RNF216: variants seen among roughly 807,000 people sequenced by gnomAD.
RNF216 encodes the protein E3 ubiquitin-protein ligase RNF216.
In RNF216, 72 loss-of-function variants were observed where a neutral mutation model predicts 110.8. The ratio of observed to expected loss-of-function variants is 0.65; its 90% confidence interval spans 0.54 to 0.79. The LOEUF (loss-of-function observed/expected upper bound fraction) is 0.79. Ranked by LOEUF, RNF216 falls within the 30% of genes least tolerant of loss-of-function variation. RNF216 has a pLI of 0.00. For missense variants in RNF216, 1,342 were observed against 1,141.2 expected, an observed-to-expected ratio of 1.18 and a Z score of -2.54; for synonymous variants, 495 against 407.5, an observed-to-expected ratio of 1.21 and a Z score of -2.59.
chr7:5,715,765 G>C (rs980449554), intron 10 of RNF216, among the ~76,000 whole-genome samples: 5 of 126,098 alleles, frequency 4.0e-5, no homozygotes, highest in African/African-American at 1.6e-4. Flanking sequence ...TTTTTGAGAT[G>C]GAGTCTCACT....
At chr7:5,651,064 A>T (rs138476221) in intron 14 of RNF216, among the ~76,000 whole-genome samples, 7 of 152,372 alleles carry the variant, frequency 4.6e-5, no homozygotes, top group Non-Finnish European at 7.3e-5. Flanking sequence ...ATATATGTAT[A>T]TAATTCCTGT....
intron 1 of RNF216, among the ~76,000 whole-genome samples, chr7:5,766,209 G>A (rs1796200454): frequency 6.6e-6 from 1 of 151,994 alleles, no homozygotes; most frequent in African/African-American, 2.4e-5. Flanking sequence ...AGGATCTCCT[G>A]AACCCAGGAG....
chr7:5,711,978 A>G, intron 12 of RNF216, 139 bp from the exon 13 acceptor site: 1 of 681,690 alleles, frequency 1.5e-6, no homozygotes, highest in Non-Finnish European at 2.5e-6. Flanking sequence ...GTTTTCCTTA[A>G]AAACACAGAT....
At chr7:5,660,957 T>TTTTTTTTTTG (rs1789094936) in intron 13 of RNF216, among the ~76,000 whole-genome samples, 2 of 146,574 alleles carry the variant, frequency 1.4e-5, no homozygotes, top group African/African-American at 2.6e-5. Context: ...TTTTTTTTTT[T>TTTTTTTTTTG]TTTTTTTTTT....
At chr7:5,638,435 C>A (rs78882576) in intron 15 of RNF216, among the ~76,000 whole-genome samples, 2,635 of 152,228 alleles carry the variant, frequency 0.017, 48 homozygotes, top group East Asian at 0.052. Flanking sequence ...AGAGGAACTC[C>A]CAGATCAAGT....
At chr7:5,645,116 G>A (rs1425013504) in intron 14 of RNF216, among the ~76,000 whole-genome samples, 1 of 152,132 alleles carries the variant, frequency 6.6e-6, no homozygotes, top group Non-Finnish European at 1.5e-5. Flanking sequence ...TGCCCCGCCT[G>A]TTTGCCTATT....
intron 1 of RNF216, among the ~76,000 whole-genome samples, chr7:5,779,222 G>A (rs753888329): frequency 6.6e-6 from 1 of 152,060 alleles, no homozygotes; most frequent in Admixed American, 6.6e-5. Flanking sequence ...ATCAACTTTC[G>A]ATCTGCCTCA....
chr7:5,686,260 T>C (rs1790980183), intron 13 of RNF216, among the ~76,000 whole-genome samples: 1 of 148,688 alleles, frequency 6.7e-6, no homozygotes, highest in South Asian at 2.1e-4. Flanking sequence ...GGAGCGTGCT[T>C]CTCCAAACTC....
Position 5,755,019 on chromosome 7 carries a change from C to T in RNF216, c.68-2040G>A, listed in dbSNP as rs1795545443. 2.7e-5 allele frequency among the ~76,000 whole-genome samples: 4 copies of T among 146,648 alleles called. No individual in the cohort carries two copies. In the South Asian group the frequency reaches 8.6e-4, roughly 32 times the overall value. ...CTCCAGCCTGGGTGCTAGAGCAAGA[C>T]CCTATCTCAGGCTAAAAAAAAAAAA... On this transcript the variant is annotated intron_variant, in intron 2 of 16. Coordinates refer to ENST00000389902, the MANE Select transcript of RNF216 (RefSeq NM_207111.4).
In RNF216 at chr7:5,714,153, G is replaced by C. The variant is rs113911265; in HGVS notation, c.1833+900C>G. ...AATTTTTGTATTTTTAGCAGAGATG[G>C]GGTTTCACCATGTTGGCCAGGCTAG... On this transcript the variant is annotated intron_variant, in intron 11 of 16. Transcript: ENST00000389902. 5.7e-3 allele frequency among the ~76,000 whole-genome samples: 861 copies of C among 152,270 alleles called. 9 individuals are homozygous for C. The highest frequency in any genetic ancestry group is 0.02 in the African/African-American group (815 of 41,542).
At chr7:5,774,789 G>A (rs148343419) in intron 1 of RNF216, among the ~76,000 whole-genome samples, 12 of 150,592 alleles carry the variant, frequency 8.0e-5, no homozygotes, top group African/African-American at 2.5e-4. Context: ...ACGAAGTTTT[G>A]CTCTTGTTGC....
chr7:5,770,461 C>CAA (rs879338590), intron 1 of RNF216, among the ~76,000 whole-genome samples: 1 of 101,074 alleles, frequency 9.9e-6, no homozygotes, highest in African/African-American at 3.7e-5. Flanking sequence ...AACTCCGTCT[C>CAA]AAAAAAAAAA....
At chr7:5,733,295 A>T (rs2098871620) in intron 5 of RNF216, 2 of 152,228 alleles carry the variant, frequency 1.3e-5, no homozygotes, top group South Asian at 4.1e-4. Context: ...TTTAAGGATC[A>T]GTGTTTGTTT....
At chr7:5,763,169 G>T (rs977471648) in intron 1 of RNF216, among the ~76,000 whole-genome samples, 5 of 152,170 alleles carry the variant, frequency 3.3e-5, no homozygotes, top group African/African-American at 1.2e-4. Flanking sequence ...GGGTACCAAT[G>T]AGGGAGTGGG....
At chr7:5,768,806 C>T (rs1044405567) in intron 1 of RNF216, among the ~76,000 whole-genome samples, 1 of 151,656 alleles carries the variant, frequency 6.6e-6, no homozygotes, top group Non-Finnish European at 1.5e-5. Flanking sequence ...AGACTACAGG[C>T]GCCCACCACC....
intron 13 of RNF216, among the ~76,000 whole-genome samples, chr7:5,699,235 T>C (rs1193329094): frequency 6.6e-6 from 1 of 152,210 alleles, no homozygotes; most frequent in East Asian, 1.9e-4. Context: ...TACAAATCTT[T>C]TCATTTATAA....
chr7:5,625,479 C>A (rs945871259), intron 15 of RNF216, among the ~76,000 whole-genome samples: 7 of 152,208 alleles, frequency 4.6e-5, no homozygotes, highest in Non-Finnish European at 7.3e-5. Flanking sequence ...AGAGCAGCAA[C>A]TGGAAGGAAG....
chr7:5,754,475 T>C (rs192147906), intron 2 of RNF216, among the ~76,000 whole-genome samples: 22 of 152,064 alleles, frequency 1.4e-4, no homozygotes, highest in South Asian at 1.2e-3. Context: ...TAATTGTGGA[T>C]TTTTAAGGAT....
chr7:5,733,887 A>G (rs1032818072), intron 5 of RNF216, among the ~76,000 whole-genome samples: 1 of 152,232 alleles, frequency 6.6e-6, no homozygotes, highest in Non-Finnish European at 1.5e-5. Context: ...TGCTTTTTAG[A>G]TGAGTAGAAG....
Sources: gnomAD v4.1 joint callset for allele counts (sites outside exome capture counted in the v4.1 genomes callset) on GRCh38, gnomAD v4.1.1 for gene constraint, MANE v1.5 for transcripts, NCBI Gene and HGNC (gene_info 2026-07-23, HGNC 2026-07-21) for gene names.